GNAQ: variants seen among roughly 807,000 people sequenced by gnomAD.
The protein encoded by GNAQ is G protein subunit alpha q, also known as guanine nucleotide-binding protein G(q) subunit alpha.
A neutral mutation model predicts 43.9 loss-of-function variants in GNAQ; 8 were observed. The ratio of observed to expected loss-of-function variants is 0.18; its 90% confidence interval spans 0.11 to 0.33. The LOEUF is 0.33. GNAQ is among the 10% of genes least tolerant of loss of function. The pLI, the probability that GNAQ is intolerant of heterozygous loss-of-function variation, is 1.00. For missense variants in GNAQ, 158 were observed against 450.8 expected (o/e 0.35, Z 5.88); for synonymous variants, 155 against 170.7 (o/e 0.91, Z 0.71).
chr9:78,029,960 T>C (rs761072568), intron 1 of GNAQ, among the ~76,000 whole-genome samples: 19 of 152,208 alleles, frequency 1.2e-4, no homozygotes, highest in Non-Finnish European at 2.5e-4. Context: ...GTGGCTTGTA[T>C]ATGAACCCTG....
intron 2 of GNAQ, among the ~76,000 whole-genome samples, chr9:77,876,034 TAA>T (rs1325379858): frequency 6.6e-6 from 1 of 152,334 alleles, no homozygotes; most frequent in Middle Eastern, 3.4e-3. Flanking sequence ...TTTATATTTT[TAA>T]AAAGACACTT....
chr9:77,838,317 A>AT (rs1827427320), intron 2 of GNAQ, among the ~76,000 whole-genome samples: 1 of 148,980 alleles, frequency 6.7e-6, no homozygotes, highest in Admixed American at 6.7e-5. Context: ...CTAATTTTGC[A>AT]TTTTTAGTAG....
At chr9:77,973,331 G>A (rs538502257) in intron 1 of GNAQ, among the ~76,000 whole-genome samples, 1 of 152,132 alleles carries the variant, frequency 6.6e-6, no homozygotes, top group Non-Finnish European at 1.5e-5. Context: ...CAGCAGTAAG[G>A]GCAGGGGCAT....
intron 1 of GNAQ, among the ~76,000 whole-genome samples, chr9:77,968,955 G>A (rs1823203318): frequency 6.6e-6 from 1 of 152,216 alleles, no homozygotes; most frequent in African/African-American, 2.4e-5. Flanking sequence ...CACCTTAATG[G>A]ACAGTGCTCT....
chr9:77,758,274 A>G (rs535064532), intron 5 of GNAQ, among the ~76,000 whole-genome samples: 7 of 152,322 alleles, frequency 4.6e-5, no homozygotes, highest in African/African-American at 1.4e-4. Context: ...TGTTTTTGAC[A>G]TGATTTTCCT....
intron 5 of GNAQ, among the ~76,000 whole-genome samples, chr9:77,785,367 A>G (rs903318885): frequency 6.6e-6 from 1 of 152,200 alleles, no homozygotes; most frequent in Non-Finnish European, 1.5e-5. Context: ...AGCCCTGCCA[A>G]CACCTTGATT....
intron 2 of GNAQ, among the ~76,000 whole-genome samples, chr9:77,843,363 T>A (rs533977468): frequency 6.6e-6 from 1 of 151,452 alleles, no homozygotes; most frequent in Non-Finnish European, 1.5e-5. Context: ...AGCAGAAGAG[T>A]GCTAAGGTGA....
chr9:77,880,806 A>T (rs1828196272), intron 2 of GNAQ, among the ~76,000 whole-genome samples: 1 of 152,000 alleles, frequency 6.6e-6, no homozygotes, highest in African/African-American at 2.4e-5. Context: ...TTTTCACTGC[A>T]TGGAGTATTT....
intron 1 of GNAQ, among the ~76,000 whole-genome samples, chr9:78,030,314 C>T (rs537701261): frequency 6.0e-4 from 92 of 152,184 alleles, no homozygotes; most frequent in African/African-American, 2.1e-3. Context: ...CGCTCCCCTA[C>T]CCTCATCTTT....
intron 5 of GNAQ, 68 bp from the exon 6 acceptor site, chr9:77,728,735 G>T: frequency 8.8e-7 from 1 of 1,139,320 alleles, no homozygotes; most frequent in Non-Finnish European, 1.3e-6. Context: ...TGTGAATTGT[G>T]TTTATTTTAT....
At chr9:77,931,706 GCT>G (rs1475469252) in intron 1 of GNAQ, among the ~76,000 whole-genome samples, 1 of 152,044 alleles carries the variant, frequency 6.6e-6, no homozygotes. Context: ...TTATGCATAT[GCT>G]ACCTATTCCA....
Position 77,905,719 on chromosome 9 carries a change from T to C in GNAQ, c.321+16442A>G, listed in dbSNP as rs1204305159. On this transcript the variant is annotated intron_variant, in intron 2 of 6. Coordinates refer to ENST00000286548, the MANE Select transcript of GNAQ (RefSeq NM_002072.5). ...CATATTCAGGAAAATTCTGTCCAAA[T>C]GATTCTTGAAAGAGTCCTTCAGGAT... is the stretch of plus-strand genomic sequence containing the variant. 3.9e-5 allele frequency among the ~76,000 whole-genome samples: 6 copies of C among 152,306 alleles called. No homozygotes were observed. The East Asian group carries it at 1.2e-3, about 29-fold the overall frequency.
chr9:77,960,675 GAA>G lies in GNAQ; in HGVS notation c.137-38332_137-38331del, dbSNP rs1258877066. Among the ~76,000 whole-genome samples the G allele has an allele frequency of 3.9e-5, 6 of 152,056 alleles. No homozygotes were observed. The South Asian group carries it at 1.2e-3, about 32-fold the overall frequency. On this transcript the variant is annotated intron_variant, in intron 1 of 6. Coordinates refer to ENST00000286548, the MANE Select transcript of GNAQ (RefSeq NM_002072.5). ...CAAATGCTGGATCATCAATAATACAGAAAATAAGAAAATATAGTCAATACAAA... is the reference window on the plus strand; with the variant it reads ...CAAATGCTGGATCATCAATAATACAGAATAAGAAAATATAGTCAATACAAA...
intron 2 of GNAQ, among the ~76,000 whole-genome samples, chr9:77,919,726 A>G (rs1828967750): frequency 6.6e-6 from 1 of 152,222 alleles, no homozygotes; most frequent in Admixed American, 6.5e-5. Context: ...CACTAAAGTC[A>G]TGATATGTAG....
chr9:78,028,272 AG>A (rs1466393308), intron 1 of GNAQ, among the ~76,000 whole-genome samples: 3 of 152,184 alleles, frequency 2.0e-5, no homozygotes, highest in Non-Finnish European at 4.4e-5. Flanking sequence ...ATATTCTTAT[AG>A]TGGTAGATTT....
At chr9:77,916,520 G>T (rs1828907892) in intron 2 of GNAQ, among the ~76,000 whole-genome samples, 1 of 152,166 alleles carries the variant, frequency 6.6e-6, no homozygotes, top group Non-Finnish European at 1.5e-5. Flanking sequence ...AGAAAATTCA[G>T]AAAGTGTCAA....
At chr9:77,747,273 C>T (rs1359567399) in intron 5 of GNAQ, among the ~76,000 whole-genome samples, 5 of 151,904 alleles carry the variant, frequency 3.3e-5, no homozygotes, top group Non-Finnish European at 7.4e-5. Context: ...CATCAAAAGG[C>T]AAGACAACAA....
chr9:77,933,108 T>A (rs1829175318), intron 1 of GNAQ, among the ~76,000 whole-genome samples: 1 of 152,098 alleles, frequency 6.6e-6, no homozygotes, highest in Admixed American at 6.5e-5. Flanking sequence ...ACCTAGAAAG[T>A]TCACTGCATC....
intron 5 of GNAQ, among the ~76,000 whole-genome samples, chr9:77,735,367 T>C (rs558310017): frequency 1.3e-5 from 2 of 152,352 alleles, no homozygotes; most frequent in Non-Finnish European, 2.9e-5. Flanking sequence ...TGAATCAATA[T>C]TATCATTTGT....
Sources: gnomAD v4.1 joint callset for allele counts (sites outside exome capture counted in the v4.1 genomes callset) on GRCh38, gnomAD v4.1.1 for gene constraint, MANE v1.5 for transcripts, NCBI Gene and HGNC (gene_info 2026-07-23, HGNC 2026-07-21) for gene names.